MYSM1: variants seen among roughly 807,000 people sequenced by gnomAD.
The protein encoded by MYSM1 is deubiquitinase MYSM1.
A neutral mutation model predicts 116.0 loss-of-function variants in MYSM1; 51 were observed. The ratio of observed to expected loss-of-function variants is 0.44; its 90% CI spans 0.35 to 0.56. The LOEUF is 0.56. MYSM1 is among the 20% of genes least tolerant of loss of function. The pLI is 0.00. For missense variants in MYSM1, 900 were observed against 974.9 expected (o/e 0.92, Z 1.02); for synonymous variants, 313 against 315.2 (o/e 0.99, Z 0.07).
intron 2 of MYSM1, among the ~76,000 whole-genome samples, chr1:58,693,245 A>G (rs1484443959): frequency 1.3e-5 from 2 of 152,208 alleles, no homozygotes; most frequent in African/African-American, 4.8e-5. Flanking sequence ...TTTGTTAGGC[A>G]TCAGACACTC....
chr1:58,686,951 G>A (rs983314187), intron 6 of MYSM1, among the ~76,000 whole-genome samples: 6 of 143,090 alleles, frequency 4.2e-5, no homozygotes, highest in Admixed American at 7.2e-5. Context: ...GCAGCATAAC[G>A]AGACCTTGTT....
At chr1:58,678,782 C>A (rs1447712316) in intron 8 of MYSM1, among the ~76,000 whole-genome samples, 1 of 152,192 alleles carries the variant, frequency 6.6e-6, no homozygotes, top group East Asian at 1.9e-4. Flanking sequence ...TTCAATGAGA[C>A]AAGAAAGCAA....
At chr1:58,686,287 G>C (rs148195471) in intron 6 of MYSM1, among the ~76,000 whole-genome samples, 1 of 152,164 alleles carries the variant, frequency 6.6e-6, no homozygotes, top group East Asian at 1.9e-4. Context: ...TAATTTGACA[G>C]CTAAAAGGGA....
intron 8 of MYSM1, among the ~76,000 whole-genome samples, chr1:58,677,450 A>G (rs1181064209): frequency 6.6e-6 from 1 of 152,166 alleles, no homozygotes; most frequent in African/African-American, 2.4e-5. Flanking sequence ...ACTTAGATTC[A>G]TCTACTCTTA....
At chr1:58,671,600 G>A (rs1336479764) in intron 12 of MYSM1, among the ~76,000 whole-genome samples, 1 of 152,134 alleles carries the variant, frequency 6.6e-6, no homozygotes, top group Non-Finnish European at 1.5e-5. Flanking sequence ...CCTGTCCATA[G>A]CGTCTAGAGT....
intron 7 of MYSM1, 146 bp from the exon 8 acceptor site, chr1:58,682,691 TTTC>T: frequency 1.0e-5 from 3 of 296,756 alleles, no homozygotes; most frequent in Non-Finnish European, 1.0e-5. Context: ...TTTTCTTTTT[TTTC>T]TTTTCTTTTT....
chr1:58,692,554 G>T, intron 3 of MYSM1: 1 of 202,096 alleles, frequency 4.9e-6, no homozygotes, highest in Non-Finnish European at 9.8e-6. Context: ...ACTTAAAAAT[G>T]CAAGCTTGGA....
chr1:58,699,997 C>A lies in MYSM1; in HGVS notation c.56G>T (p.Gly19Val). ...CTCTAAGCCTCACCCTGGCTGTGCC[C>A]CCGCCGCCGCTACCACGTCCCCTTC... ...DIEGDVVAAA[G>V]AQPGSGENTA... The change falls in exon 1 of 20, where the codon GGG (glycine) becomes GTG (valine). Residue 19 changes from glycine (G) to valine (V), a missense_variant. Physicochemically the swap from Gly to Val is moderately radical, Grantham distance 109 (BLOSUM62 -3). Around this residue, in one of 3 missense-constraint regions of MYSM1, gnomAD observed 622 missense variants for 623.7 expected, o/e 1.00. Coordinates refer to ENST00000472487, the MANE Select transcript of MYSM1 (RefSeq NM_001085487.3). 2 of 1,613,620 alleles carry A rather than the reference C, an allele frequency of 1.2e-6. No individual in the cohort carries two copies. The highest frequency in any genetic ancestry group is 1.7e-6 in the Non-Finnish European group (2 of 1,179,996).
At chr1:58,663,196 G>A (rs188940278) in intron 17 of MYSM1, among the ~76,000 whole-genome samples, 1 of 152,044 alleles carries the variant, frequency 6.6e-6, no homozygotes, top group African/African-American at 2.4e-5. Flanking sequence ...AATAAAGAGA[G>A]GTAAATAATG....
intron 8 of MYSM1, 151 bp from the exon 9 acceptor site, chr1:58,677,207 C>G (rs947929620): frequency 1.1e-4 from 57 of 510,636 alleles, no homozygotes; most frequent in African/African-American, 1.1e-3. Context: ...TACATAATAC[C>G]CATGTACTTT....
chr1:58,670,201 G>A (rs970976316), intron 12 of MYSM1, among the ~76,000 whole-genome samples: 1 of 152,106 alleles, frequency 6.6e-6, no homozygotes, highest in Non-Finnish European at 1.5e-5. Flanking sequence ...AATAAAGAAA[G>A]ACCTTTAAAT....
intron 2 of MYSM1, among the ~76,000 whole-genome samples, chr1:58,694,773 A>G (rs1644950577): frequency 6.6e-6 from 1 of 152,154 alleles, no homozygotes; most frequent in African/African-American, 2.4e-5. Flanking sequence ...GGCTCAAGGA[A>G]TTCTCCTGCC....
At chr1:58,689,161 ACATTCCATAT>A in intron 5 of MYSM1, 45 bp from the exon 6 acceptor site, 4 of 1,439,284 alleles carry the variant, frequency 2.8e-6, no homozygotes, top group Non-Finnish European at 3.8e-6. Context: ...CTGAAATGGA[ACATTCCATAT>A]TTATGTAACT....
intron 8 of MYSM1, among the ~76,000 whole-genome samples, chr1:58,678,542 G>A (rs146260472): frequency 6.6e-6 from 1 of 152,216 alleles, no homozygotes; most frequent in East Asian, 1.9e-4. Flanking sequence ...TATATTCTGA[G>A]CATTGTTTAA....
intron 12 of MYSM1, among the ~76,000 whole-genome samples, chr1:58,669,836 C>CAAAAAAAAAAAAAAAAA (rs58828009): frequency 6.8e-5 from 1 of 14,610 alleles, no homozygotes; most frequent in African/African-American, 2.7e-4. Flanking sequence ...ACCCTGTCTC[C>CAAAAAAAAAAAAAAAAA]AAAAAAAAAA....
intron 12 of MYSM1, among the ~76,000 whole-genome samples, chr1:58,671,124 C>T (rs1448733642): frequency 6.6e-6 from 1 of 152,102 alleles, no homozygotes; most frequent in Non-Finnish European, 1.5e-5. Context: ...ATCAACAGCT[C>T]CACTACTTGA....
At position 58,685,235 on chromosome 1, in the gene MYSM1, C is replaced by A; in HGVS notation, c.416G>T (p.Arg139Ile). The change falls in exon 7 of 20, where the codon AGA (arginine) becomes ATA (isoleucine). Residue 139 changes from arginine (R) to isoleucine (I), a missense_variant. Around this residue, in one of 3 missense-constraint regions of MYSM1, gnomAD observed 622 missense variants for 623.7 expected, o/e 1.00. Transcript: ENST00000472487. ...AATTAGCTTTGAAATTTTGGTCCAT[C>A]TTCGGCCAAATTTAGCCTGTATTAT... ...FEQGLAKFGR[R>I]WTKISKLIGS... 1 of 1,607,034 alleles carries A rather than the reference C, an allele frequency of 6.2e-7. No homozygotes were observed. Among genetic ancestry groups the A allele is most frequent in the Non-Finnish European group, 8.5e-7 (1 of 1,177,894 alleles).
At chr1:58,686,424 G>GA (rs1417880179) in intron 6 of MYSM1, among the ~76,000 whole-genome samples, 1 of 151,828 alleles carries the variant, frequency 6.6e-6, no homozygotes, top group East Asian at 1.9e-4. Flanking sequence ...TTAAAACTAT[G>GA]AAAAAAACAA....
chr1:58,668,739 T>A, intron 13 of MYSM1, 57 bp from the exon 14 acceptor site: 1 of 1,490,720 alleles, frequency 6.7e-7, no homozygotes, highest in Non-Finnish European at 9.2e-7. Flanking sequence ...ATTTTTGTTT[T>A]CCCCACCTGG....
Sources: allele counts gnomAD v4.1 joint callset (sites outside exome capture counted in the v4.1 genomes callset), GRCh38; gene constraint gnomAD v4.1.1; regional missense constraint gnomAD v4.1.1; transcripts MANE v1.5; gene names NCBI Gene and HGNC (gene_info 2026-07-23, HGNC 2026-07-21).